ZCWPW2: variants seen among roughly 807,000 people sequenced by gnomAD.
ZCWPW2 encodes zinc finger CW-type and PWWP domain containing 2, also known as zinc finger CW-type PWWP domain protein 2.
Under a neutral mutation model 46.6 loss-of-function variants are expected in ZCWPW2, and 45 were observed. The ratio of observed to expected loss-of-function variants is 0.96; its 90% CI spans 0.76 to 1.24. The LOEUF (loss-of-function observed/expected upper bound fraction) is 1.24, where lower values mean the gene tolerates loss of function less well. Ranked by LOEUF, ZCWPW2 falls within the 50% of genes most tolerant of loss-of-function variation. The pLI is 0.00. For synonymous variants in ZCWPW2, 152 were observed against 137.1 expected, an observed-to-expected ratio of 1.11 and a Z score of -0.76; for missense variants, 429 against 403.9, an observed-to-expected ratio of 1.06 and a Z score of -0.53.
At chr3:28,489,908 A>G (rs1010672805) in intron 5 of ZCWPW2, among the ~76,000 whole-genome samples, 6 of 152,164 alleles carry the variant, frequency 3.9e-5, no homozygotes, top group Non-Finnish European at 5.9e-5. Flanking sequence ...TAAATAGCCT[A>G]CAGAATGGGA....
intron 4 of ZCWPW2, among the ~76,000 whole-genome samples, chr3:28,439,916 C>T (rs557992037): frequency 6.6e-6 from 1 of 152,302 alleles, no homozygotes; most frequent in Non-Finnish European, 1.5e-5. Context: ...CTGGTATTGA[C>T]AACTACCTTC....
chr3:28,450,187 T>A (rs1698169680), intron 4 of ZCWPW2, among the ~76,000 whole-genome samples: 1 of 152,226 alleles, frequency 6.6e-6, no homozygotes, highest in Non-Finnish European at 1.5e-5. Context: ...GTTTTGTTGG[T>A]TTTATCCCTA....
chr3:28,391,435 C>T (rs1218964046), intron 2 of ZCWPW2, among the ~76,000 whole-genome samples: 2 of 151,942 alleles, frequency 1.3e-5, no homozygotes, highest in Non-Finnish European at 2.9e-5. Context: ...ATGAAAATAG[C>T]CCTGGGAGGG....
chr3:28,376,127 A>G (rs949577601), intron 1 of ZCWPW2, among the ~76,000 whole-genome samples: 1 of 152,034 alleles, frequency 6.6e-6, no homozygotes, highest in Non-Finnish European at 1.5e-5. Context: ...TCTTTTTGAT[A>G]TACTGATTTC....
chr3:28,495,721 T>G (rs1559529053), intron 6 of ZCWPW2, among the ~76,000 whole-genome samples: 1 of 152,062 alleles, frequency 6.6e-6, no homozygotes, highest in Admixed American at 6.6e-5. Context: ...TTATTTTATT[T>G]AATAAAAGTA....
At chr3:28,364,355 C>T (rs146876130) in intron 1 of ZCWPW2, among the ~76,000 whole-genome samples, 60 of 152,022 alleles carry the variant, frequency 3.9e-4, no homozygotes, top group African/African-American at 1.4e-3. Context: ...TTTATTTCTT[C>T]ATTGGCTGGT....
chr3:28,516,302 T>C (rs926602881), intron 8 of ZCWPW2, among the ~76,000 whole-genome samples: 1 of 140,642 alleles, frequency 7.1e-6, no homozygotes, highest in Admixed American at 7.4e-5. Flanking sequence ...AATAAATAAA[T>C]AAAGCACCAG....
intron 3 of ZCWPW2, among the ~76,000 whole-genome samples, chr3:28,426,448 A>C (rs997461946): frequency 2.6e-5 from 4 of 152,116 alleles, no homozygotes; most frequent in Non-Finnish European, 5.9e-5. Context: ...TAATTTATAG[A>C]AAATATGTTT....
intron 5 of ZCWPW2, among the ~76,000 whole-genome samples, chr3:28,483,722 C>T (rs557412725): frequency 6.6e-6 from 1 of 152,222 alleles, no homozygotes; most frequent in South Asian, 2.1e-4. Flanking sequence ...TTATGCTTGA[C>T]TAATTCACTT....
intron 1 of ZCWPW2, among the ~76,000 whole-genome samples, chr3:28,369,830 G>A (rs986683142): frequency 2.0e-5 from 3 of 152,200 alleles, no homozygotes; most frequent in African/African-American, 7.2e-5. Flanking sequence ...TGGCTGCTTT[G>A]TTTACCTACT....
chr3:28,393,848 G>C (rs552471438), intron 2 of ZCWPW2, among the ~76,000 whole-genome samples: 29 of 152,166 alleles, frequency 1.9e-4, no homozygotes, highest in Admixed American at 2.6e-4. Context: ...GTGGGGAAAG[G>C]TCTAACGTTT....
At chr3:28,494,755 A>T (rs1201094486) in intron 6 of ZCWPW2, among the ~76,000 whole-genome samples, 1 of 141,226 alleles carries the variant, frequency 7.1e-6, no homozygotes, top group Non-Finnish European at 1.5e-5. Context: ...TCAATGTACA[A>T]AAATCACAAG....
intron 1 of ZCWPW2, among the ~76,000 whole-genome samples, chr3:28,356,969 G>A (rs924513223): frequency 2.6e-5 from 4 of 151,768 alleles, no homozygotes; most frequent in Non-Finnish European, 5.9e-5. Flanking sequence ...AAACCTGCAC[G>A]TTGTGCACAT....
At chr3:28,491,973 C>T (rs900950052) in intron 5 of ZCWPW2, among the ~76,000 whole-genome samples, 154 bp from the exon 6 acceptor site, 1 of 152,026 alleles carries the variant, frequency 6.6e-6, no homozygotes, top group Non-Finnish European at 1.5e-5. Flanking sequence ...ATGGACAGCT[C>T]AGTTTACTAG....
intron 4 of ZCWPW2, among the ~76,000 whole-genome samples, chr3:28,452,529 T>G: frequency 6.6e-6 from 1 of 152,080 alleles, no homozygotes; most frequent in Non-Finnish European, 1.5e-5. Flanking sequence ...CTCCTGACCT[T>G]GTGATCCACC....
chr3:28,393,527 G>T (rs1245377379), intron 2 of ZCWPW2, among the ~76,000 whole-genome samples: 1 of 151,938 alleles, frequency 6.6e-6, no homozygotes, highest in African/African-American at 2.4e-5. Flanking sequence ...GAACGTAGAC[G>T]CAAAAATCCT....
intron 3 of ZCWPW2, among the ~76,000 whole-genome samples, chr3:28,421,169 G>A (rs138603529): frequency 2.5e-3 from 381 of 152,250 alleles, no homozygotes; most frequent in South Asian, 4.1e-3. Flanking sequence ...TTCCAAGGGA[G>A]GGAAGGGTGC....
intron 6 of ZCWPW2, among the ~76,000 whole-genome samples, chr3:28,500,464 G>A (rs1024321690): frequency 2.0e-5 from 3 of 151,908 alleles, no homozygotes; most frequent in African/African-American, 4.8e-5. Context: ...TTTACCTACA[G>A]AAATTATGTG....
chr3:28,372,796 C>T (rs147974035), intron 1 of ZCWPW2, among the ~76,000 whole-genome samples: 2 of 152,106 alleles, frequency 1.3e-5, no homozygotes, highest in African/African-American at 4.8e-5. Flanking sequence ...TATTTAAAGT[C>T]CCCAGTGTCT....
Sources: allele counts gnomAD v4.1 joint callset (sites outside exome capture counted in the v4.1 genomes callset), GRCh38; gene constraint gnomAD v4.1.1; transcripts MANE v1.5; gene names NCBI Gene and HGNC (gene_info 2026-07-23, HGNC 2026-07-21).